Variants in HSD17B12 observed in about 807,000 individuals in gnomAD.
The protein encoded by HSD17B12 is hydroxysteroid 17-beta dehydrogenase 12.
Under a neutral mutation model 39.3 loss-of-function variants are expected in HSD17B12, and 32 were observed. The observed-to-expected ratio is 0.81, with a 90% CI of 0.61 to 1.09. HSD17B12 has a LOEUF of 1.09. HSD17B12 is among the 50% of genes least tolerant of loss of function. The probability of loss-of-function intolerance (pLI) is 0.00; values close to 1 mark genes in which losing one functional copy is unlikely to be tolerated. For missense variants in HSD17B12, 342 were observed against 382.9 expected, an observed-to-expected ratio of 0.89 and a Z score of 0.89; for synonymous variants, 150 against 146.7, an observed-to-expected ratio of 1.02 and a Z score of -0.16.
intron 7 of HSD17B12, chr11:43,833,618 T>TTA (rs943439281): frequency 6.6e-6 from 1 of 152,240 alleles, no homozygotes; most frequent in Non-Finnish European, 1.5e-5. Context: ...ACCTTACATA[T>TTA]TATAAGTGGT....
chr11:43,845,156 G>A (rs1951463203), intron 9 of HSD17B12, among the ~76,000 whole-genome samples: 1 of 152,156 alleles, frequency 6.6e-6, no homozygotes, highest in Admixed American at 6.5e-5. Flanking sequence ...ACCAAGCCTA[G>A]CATTTTTTGT....
At chr11:43,830,824 C>T (rs532272164) in intron 6 of HSD17B12, 152 bp from the exon 7 acceptor site, 2 of 553,358 alleles carry the variant, frequency 3.6e-6, no homozygotes, top group African/African-American at 1.9e-5. Flanking sequence ...GACACAGTCA[C>T]ATTCTACAGT....
chr11:43,844,993 T>G (rs1951461443), intron 9 of HSD17B12, among the ~76,000 whole-genome samples: 1 of 152,090 alleles, frequency 6.6e-6, no homozygotes. Flanking sequence ...TGTTTGTTTG[T>G]TTGTTTGTTT....
intron 4 of HSD17B12, among the ~76,000 whole-genome samples, chr11:43,813,223 T>C (rs1226019781): frequency 6.6e-6 from 1 of 152,194 alleles, no homozygotes; most frequent in African/African-American, 2.4e-5. Flanking sequence ...TGCTTAACTT[T>C]GTACTTATAG....
At position 43,831,029 on chromosome 11, in the gene HSD17B12, T is replaced by C; in HGVS notation, c.536+19T>C. The C allele has an allele frequency of 1.2e-6, 2 of 1,601,918 alleles. No individual in the cohort carries two copies. Among genetic ancestry groups the C allele is most frequent in the Non-Finnish European group, 1.7e-6 (2 of 1,173,042 alleles). ...TGGAAAGGTGAGTCACAAGCTCACA[T>C]ACAAACACTGTGGAAGCAGAGCTCA... On this transcript the variant is annotated intron_variant, in intron 7 of 10. Coordinates refer to ENST00000278353, the MANE Select transcript of HSD17B12 (RefSeq NM_016142.3). This position sits in a 1 kb window ranked among gnomAD's most constrained non-coding sequence, Gnocchi z 4.1.
chr11:43,597,764 A>G, the HSD17B12 span, among the ~76,000 whole-genome samples: 27 of 151,944 alleles, frequency 1.8e-4, no homozygotes, highest in Admixed American at 1.8e-3. Context: ...CCTCCCGAGG[A>G]GCTGGAACTA....
At chr11:43,727,687 A>G (rs1034236598) in intron 1 of HSD17B12, among the ~76,000 whole-genome samples, 4 of 152,290 alleles carry the variant, frequency 2.6e-5, no homozygotes, top group Admixed American at 2.6e-4. Context: ...GCTGAGTTTT[A>G]CAACTCCTTC....
the HSD17B12 span, among the ~76,000 whole-genome samples, chr11:43,593,244 G>C: frequency 6.6e-6 from 1 of 152,176 alleles, no homozygotes; most frequent in African/African-American, 2.4e-5. Flanking sequence ...TGTGGCTCAG[G>C]CTGACCAGGG....
At chr11:43,683,963 A>G (rs1949774620) in intron 1 of HSD17B12, among the ~76,000 whole-genome samples, 1 of 152,236 alleles carries the variant, frequency 6.6e-6, no homozygotes, top group Non-Finnish European at 1.5e-5. Flanking sequence ...TAAATTTAAG[A>G]ACAAAAACTT....
At chr11:43,628,204 A>C in the HSD17B12 span, among the ~76,000 whole-genome samples, 1 of 151,988 alleles carries the variant, frequency 6.6e-6, no homozygotes, top group Non-Finnish European at 1.5e-5. Context: ...ACTATCAACT[A>C]TGTCACTTTT....
chr11:43,810,928 G>C lies in HSD17B12; in HGVS notation c.392-4509G>C, dbSNP rs1204780648. Reference sequence around the variant, plus strand: ...AATTTAAGATGCGACCATTTAGAAGGGATCTTCAACTATCTGAATAATGTT... The same window carrying C: ...AATTTAAGATGCGACCATTTAGAAGCGATCTTCAACTATCTGAATAATGTT... On this transcript the variant is annotated intron_variant, in intron 4 of 10. Transcript: ENST00000278353. Among the ~76,000 whole-genome samples, 4 of 152,270 alleles carry C rather than the reference G, an allele frequency of 2.6e-5. No individual in the cohort carries two copies. In the East Asian group the frequency reaches 7.7e-4, roughly 29 times the overall value.
chr11:43,773,252 A>C (rs539687596), intron 3 of HSD17B12, among the ~76,000 whole-genome samples: 1 of 152,086 alleles, frequency 6.6e-6, no homozygotes, highest in Admixed American at 6.6e-5. Flanking sequence ...AATTAAAAAA[A>C]TTTTTTTCAG....
At chr11:43,709,787 T>C (rs1328805769) in intron 1 of HSD17B12, among the ~76,000 whole-genome samples, 27 of 152,128 alleles carry the variant, frequency 1.8e-4, no homozygotes, top group Admixed American at 1.8e-3. Context: ...CTTTTTTGAA[T>C]AGAAAAGGGA....
chr11:43,727,866 T>C (rs986353231), intron 1 of HSD17B12, among the ~76,000 whole-genome samples: 3 of 152,200 alleles, frequency 2.0e-5, no homozygotes, highest in Non-Finnish European at 4.4e-5. Flanking sequence ...TAATGTATAG[T>C]GGGCAGTGGA....
At chr11:43,682,544 C>CAAAAAAAAAAAAAAAAAAA (rs55938101) in intron 1 of HSD17B12, among the ~76,000 whole-genome samples, 3 of 118,456 alleles carry the variant, frequency 2.5e-5, no homozygotes, top group African/African-American at 6.4e-5. Context: ...AGACTCATCT[C>CAAAAAAAAAAAAAAAAAAA]AAAAAAAAAA....
intron 1 of HSD17B12, among the ~76,000 whole-genome samples, chr11:43,745,370 CA>C (rs1257002904): frequency 3.3e-5 from 5 of 152,168 alleles, no homozygotes; most frequent in African/African-American, 1.2e-4. Flanking sequence ...CATTCTTCAG[CA>C]TATTTTCATT....
At chr11:43,725,271 T>C (rs1024520402) in intron 1 of HSD17B12, among the ~76,000 whole-genome samples, 3 of 152,200 alleles carry the variant, frequency 2.0e-5, no homozygotes, top group East Asian at 1.9e-4. Context: ...ATCTCTAAAA[T>C]TGGTATGTAC....
intron 3 of HSD17B12, among the ~76,000 whole-genome samples, chr11:43,793,817 G>A (rs1209952553): frequency 2.4e-4 from 36 of 152,206 alleles, no homozygotes. Flanking sequence ...TCTTGCAGGT[G>A]ATGGAATGGC....
chr11:43,685,855 A>T (rs1438086384), intron 1 of HSD17B12, among the ~76,000 whole-genome samples: 1 of 152,206 alleles, frequency 6.6e-6, no homozygotes, highest in Non-Finnish European at 1.5e-5. Flanking sequence ...TTTAAGAACA[A>T]TCTCAGACCA....
Sources: allele counts gnomAD v4.1 joint callset (sites outside exome capture counted in the v4.1 genomes callset), GRCh38; gene constraint gnomAD v4.1.1; non-coding constraint Gnocchi (gnomAD v3.1); transcripts MANE v1.5; gene names NCBI Gene and HGNC (gene_info 2026-07-23, HGNC 2026-07-21).